Variants in FGF8 observed in about 807,000 individuals in gnomAD.
FGF8 encodes androgen-induced growth factor.
FGF8 carries 12 observed loss-of-function variants against 29.7 expected under a neutral mutation model. That is an observed-to-expected ratio of 0.40 (90% CI 0.26 to 0.65). FGF8 has a LOEUF of 0.65. Ranked by LOEUF, FGF8 falls within the 30% of genes least tolerant of loss-of-function variation. The pLI is 0.37. For missense variants in FGF8, 271 were observed against 345.1 expected (o/e 0.79, Z 1.70); for synonymous variants, 157 against 144.4 (o/e 1.09, Z -0.63).
chr10:101,775,184 C>T lies in FGF8; in HGVS notation c.102G>A (p.Arg34=). The T allele has an allele frequency of 5.2e-6, 8 of 1,548,216 alleles. No individual in the cohort carries two copies. Among genetic ancestry groups the T allele is most frequent in the Admixed American group, 2.0e-5 (1 of 51,034 alleles). ...CAGCCCGGAACAGGGAAGCGAGCTC[C>T]CTGCCCAGCGCAGGGCCCCTGCCCG... ...EGPGRGPALG[R]ELASLFRAGR... The change falls in exon 3 of 6, where the codon AGG becomes AGA. Residue 34 remains arginine (R), a synonymous_variant. Transcript: ENST00000320185. The surrounding 1 kb of genome is among the most constrained non-coding windows in gnomAD (Gnocchi z 4.6).
At position 101,771,612 on chromosome 10, in the gene FGF8, C is replaced by A; in HGVS notation, c.338-43G>T. 6.7e-7 allele frequency: 1 copy of A among 1,492,044 alleles called. No homozygotes were observed. Among genetic ancestry groups the A allele is most frequent in the Non-Finnish European group, 9.3e-7 (1 of 1,070,442 alleles). The allele number at this position is 1,492,044 out of a possible 1,614,324, so 92.4% of individuals were successfully genotyped here. A position where few individuals can be genotyped will look rare whatever the true frequency, so the allele number is the denominator to read the frequency against. ...AGGATGGCTATTGGCAGATCCCTGACCCCAGCTGGCCCACACACTTGTCAC... is the reference window on the plus strand; with the variant it reads ...AGGATGGCTATTGGCAGATCCCTGAACCCAGCTGGCCCACACACTTGTCAC... On this transcript the variant is annotated intron_variant, in intron 4 of 5. Coordinates refer to ENST00000320185, the MANE Select transcript of FGF8 (RefSeq NM_033163.5). This position sits in a 1 kb window ranked among gnomAD's most constrained non-coding sequence, Gnocchi z 5.3.
intron 4 of FGF8, among the ~76,000 whole-genome samples, chr10:101,774,197 G>T (rs1312445794): frequency 6.6e-6 from 1 of 152,236 alleles, no homozygotes; most frequent in Admixed American, 6.5e-5. Flanking sequence ...CCCACAGGGA[G>T]CCGGGAGCCC....
chr10:101,778,925 A>AG (rs2065118176), upstream of FGF8, among the ~76,000 whole-genome samples: 1 of 152,174 alleles, frequency 6.6e-6, no homozygotes, highest in Non-Finnish European at 1.5e-5. Context: ...GGCCCAGATG[A>AG]GGGAGCGCCT....
chr10:101,778,932 G>C (rs540794670), upstream of FGF8, among the ~76,000 whole-genome samples: 422 of 152,254 alleles, frequency 2.8e-3, 2 homozygotes, highest in Non-Finnish European at 3.9e-3. Flanking sequence ...ATGAGGGAGC[G>C]CCTGTCAACC....
In FGF8 at chr10:101,775,490, A is replaced by T. The variant is rs1392945936; in HGVS notation, c.69+250T>A. On this transcript the variant is annotated intron_variant, in intron 2 of 5. Coordinates refer to ENST00000320185, the MANE Select transcript of FGF8 (RefSeq NM_033163.5). The surrounding 1 kb of genome is among the most constrained non-coding windows in gnomAD (Gnocchi z 4.6). ...CTATGCCCCCAGCCGGCGAGGATGCATGGGGGACAGTGCTGGGCTCCGAGA... is the reference window on the plus strand; with the variant it reads ...CTATGCCCCCAGCCGGCGAGGATGCTTGGGGGACAGTGCTGGGCTCCGAGA... 5.0e-6 allele frequency: 3 copies of T among 604,392 alleles called. No individual in the cohort carries two copies. Among genetic ancestry groups the T allele is most frequent in the Non-Finnish European group, 8.8e-6 (3 of 341,146 alleles). The allele number at this position is 604,392 out of a possible 1,614,324, so 37.4% of individuals were successfully genotyped here. A position where few individuals can be genotyped will look rare whatever the true frequency, so the allele number is the denominator to read the frequency against.
chr10:101,774,946 T>G, intron 3 of FGF8, 34 bp from the exon 4 acceptor site: 2 of 1,609,278 alleles, frequency 1.2e-6, no homozygotes, highest in Non-Finnish European at 1.7e-6. Context: ...AATACACCAT[T>G]ATAATGCTAC....
chr10:101,770,782 C>T (rs1044251583), intron 5 of FGF8, among the ~76,000 whole-genome samples, 163 bp from the exon 6 acceptor site: 11 of 152,226 alleles, frequency 7.2e-5, no homozygotes, highest in Non-Finnish European at 1.0e-4. Flanking sequence ...CCTCACAACT[C>T]GCAGCCCACC....
At position 101,774,844 on chromosome 10, in the gene FGF8, G is replaced by T; in HGVS notation, c.225C>A (p.Leu75=). The T allele has an allele frequency of 6.2e-7, 1 of 1,613,926 alleles. No individual in the cohort carries two copies. The highest frequency in any genetic ancestry group is 8.5e-7 in the Non-Finnish European group (1 of 1,180,038). The part of the protein sequence containing the change: ...VREQSLVTDQ[L]SRRLIRTYQL... The stretch of plus-strand genomic sequence containing the variant: ...GGTAGGTCCGGATGAGGCGGCGGCT[G>T]AGCTGATCCGTCACCAGGCTCTGCT... Residue 75 remains leucine, a synonymous_variant, in exon 4 of 6, where the codon CTC becomes CTA. Transcript: ENST00000320185.
chr10:101,779,665 C>T (rs1218203830), upstream of FGF8, among the ~76,000 whole-genome samples: 1 of 77,540 alleles, frequency 1.3e-5, no homozygotes, highest in African/African-American at 5.0e-5. The surrounding 1 kb of genome is among the most constrained non-coding windows in gnomAD (Gnocchi z 5.7). Context: ...AGTGGCATCG[C>T]GGGGGGTGGG....
rs972443311 is a variant in FGF8 at position 101,771,330 on chromosome 10, G to A, written c.444+133C>T. 8 of 717,166 alleles carry A rather than the reference G, an allele frequency of 1.1e-5. No individual in the cohort carries two copies. Among genetic ancestry groups the A allele is most frequent in the Non-Finnish European group, 1.8e-5 (7 of 393,734 alleles). 44.4% of individuals were successfully genotyped at this position (717,166 alleles called of 1,614,324 possible). On this transcript the variant is annotated intron_variant, in intron 5 of 5. Coordinates refer to ENST00000320185, the MANE Select transcript of FGF8 (RefSeq NM_033163.5). The surrounding 1 kb of genome is among the most constrained non-coding windows in gnomAD (Gnocchi z 5.3). ...CCTCACTCCTGCACCCAATCGTGAG[G>A]TAACCCCAAGATGGCCCTGTGGCCT...
rs760863812 is a variant in FGF8, at chr10:101,770,440, G to A, written c.624C>T (p.Pro208=). 60 of 1,609,866 alleles carry A rather than the reference G, an allele frequency of 3.7e-5. No individual in the cohort carries two copies. In the African/African-American group the frequency reaches 5.5e-4, roughly 15 times the overall value. ...TCTGCTCGGTGGTGTGGTGGCCCCGGGGCAGCCGCTTCATGAAGTGGACCT... is the reference window on the plus strand; with the variant it reads ...TCTGCTCGGTGGTGTGGTGGCCCCGAGGCAGCCGCTTCATGAAGTGGACCT... ...QREVHFMKRL[P]RGHHTTEQSL... The change falls in exon 6 of 6, where the codon CCC becomes CCT. Residue 208 remains proline, a synonymous_variant. Coordinates refer to ENST00000320185, the MANE Select transcript of FGF8 (RefSeq NM_033163.5).
At chr10:101,776,445 C>T (rs1421766699), upstream of FGF8, among the ~76,000 whole-genome samples, 1 of 150,394 alleles carries the variant, frequency 6.6e-6, no homozygotes, top group Non-Finnish European at 1.5e-5. Context: ...TCCCCGGTCC[C>T]GGACGCGCGG....
chr10:101,778,808 T>A (rs1486608576), upstream of FGF8, among the ~76,000 whole-genome samples: 1 of 152,170 alleles, frequency 6.6e-6, no homozygotes, highest in Admixed American at 6.5e-5. Context: ...CTCCCTCCCT[T>A]GCTGGCTCGC....
upstream of FGF8, among the ~76,000 whole-genome samples, chr10:101,776,421 G>A (rs1271376188): frequency 1.3e-5 from 2 of 151,284 alleles, no homozygotes; most frequent in Non-Finnish European, 3.0e-5. Flanking sequence ...TCCCCGGCCT[G>A]TCCCCTCGCG....
In FGF8 at chr10:101,770,139, TTTAAAAAAA is replaced by T. The variant is rs2064996048; in HGVS notation, c.*181_*189del. Reference sequence around the variant, plus strand: ...TACAAAAATAGAGCCTCTCTTTTGTTTTAAAAAAAAAAAAAAAAAAAAAAACAGCAAAAA... The same window carrying T: ...TACAAAAATAGAGCCTCTCTTTTGTTAAAAAAAAAAAAAAAACAGCAAAAA... On this transcript the variant is annotated 3_prime_UTR_variant, in exon 6 of 6. Transcript: ENST00000320185. The T allele has an allele frequency of 1.9e-6, 1 of 539,870 alleles. No homozygotes were observed. Among genetic ancestry groups the T allele is most frequent in the Non-Finnish European group, 3.2e-6 (1 of 315,158 alleles). The allele number at this position is 539,870 out of a possible 1,614,324, so 33.4% of individuals were successfully genotyped here. A position where few individuals can be genotyped will look rare whatever the true frequency, so the allele number is the denominator to read the frequency against.
chr10:101,773,860 C>T (rs2065054823), intron 4 of FGF8, among the ~76,000 whole-genome samples: 1 of 152,198 alleles, frequency 6.6e-6, no homozygotes, highest in African/African-American at 2.4e-5. Context: ...TCAAACTCCA[C>T]ATCTGAAAAA....
upstream of FGF8, among the ~76,000 whole-genome samples, chr10:101,776,736 C>A (rs1213506513): frequency 1.3e-5 from 2 of 152,078 alleles, no homozygotes; most frequent in Non-Finnish European, 2.9e-5. Flanking sequence ...CGGCCGCGTG[C>A]CCCGTCCTGT....
In FGF8 at chr10:101,771,926, C is replaced by T. The variant is rs1025169253; in HGVS notation, c.338-357G>A. 6.6e-6 allele frequency among the ~76,000 whole-genome samples: 1 copy of T among 152,240 alleles called. No homozygotes were observed. Among genetic ancestry groups the T allele is most frequent in the Non-Finnish European group, 1.5e-5 (1 of 68,048 alleles). The stretch of plus-strand genomic sequence containing the variant: ...GGATCTAAGTAAAATTTAATTGAAT[C>T]AGAGTTCCATAGCTAATCAAAAGAT... On this transcript the variant is annotated intron_variant, in intron 4 of 5. Coordinates refer to ENST00000320185, the MANE Select transcript of FGF8 (RefSeq NM_033163.5). The surrounding 1 kb of genome is among the most constrained non-coding windows in gnomAD (Gnocchi z 5.3).
chr10:101,775,019 C>T lies in FGF8; in HGVS notation c.157-107G>A, dbSNP rs2065070437. 8.6e-6 allele frequency: 13 copies of T among 1,512,952 alleles called. No individual in the cohort carries two copies. The South Asian group carries it at 1.5e-4, about 18-fold the overall frequency. The allele number at this position is 1,512,952 out of a possible 1,614,324, so 93.7% of individuals were successfully genotyped here. On this transcript the variant is annotated intron_variant, in intron 3 of 5. Coordinates refer to ENST00000320185, the MANE Select transcript of FGF8 (RefSeq NM_033163.5). This position sits in a 1 kb window ranked among gnomAD's most constrained non-coding sequence, Gnocchi z 4.6. ...CCCCCTCACTGCCCCAAGCCGCCAG[C>T]AGGTGCTGGGGGTTCCCCCAACATG...
Sources: allele counts gnomAD v4.1 joint callset (sites outside exome capture counted in the v4.1 genomes callset), GRCh38; gene constraint gnomAD v4.1.1; non-coding constraint Gnocchi (gnomAD v3.1); transcripts MANE v1.5; gene names NCBI Gene and HGNC (gene_info 2026-07-23, HGNC 2026-07-21).